Variants in EPHB2 observed in about 807,000 individuals in gnomAD.
EPHB2 encodes EPH receptor B2.
EPHB2 carries 18 observed loss-of-function variants against 96.4 expected under a neutral mutation model. That is an observed-to-expected ratio of 0.19 (90% CI 0.13 to 0.28). EPHB2 has a LOEUF of 0.28. Among genes scored for constraint, EPHB2 ranks in the 10% least tolerant of loss-of-function variants. EPHB2 has a pLI of 1.00. For synonymous variants in EPHB2, 506 were observed against 534.1 expected (o/e 0.95, Z 0.72); for missense variants, 989 against 1,355.4 (o/e 0.73, Z 4.25).
chr1:22,845,177 T>G (rs1645524508), intron 3 of EPHB2, among the ~76,000 whole-genome samples: 1 of 152,232 alleles, frequency 6.6e-6, no homozygotes, highest in South Asian at 2.1e-4. Flanking sequence ...TACCACTCAC[T>G]GCATCAGTGA....
chr1:22,865,003 G>A lies in EPHB2; in HGVS notation c.1094G>A (p.Cys365Tyr). 2 of 1,611,004 alleles carry A rather than the reference G, an allele frequency of 1.2e-6. No homozygotes were observed. Among genetic ancestry groups the A allele is most frequent in the Non-Finnish European group, 1.7e-6 (2 of 1,177,650 alleles). The change falls in exon 5 of 16, where the codon TGT (cysteine) becomes TAT (tyrosine). Residue 365 changes from cysteine (C) to tyrosine (Y), a missense_variant. Transcript: ENST00000374630. ...DLVYNIICKS[C>Y]GSGRGACTRC... ...GTCTACAACATCATCTGCAAGAGCT[G>A]TGGCTCGGGCCGGGGTGCCTGCACC...
chr1:22,909,368 G>T (rs558418066), intron 13 of EPHB2, among the ~76,000 whole-genome samples, 197 bp downstream of exon 13: 7 of 152,310 alleles, frequency 4.6e-5, no homozygotes, highest in East Asian at 1.9e-4. Flanking sequence ...CTCTCCAGGG[G>T]GTAGGAAGTA....
rs2869512 is a variant in EPHB2 at position 22,733,338 on chromosome 1, T to C, written c.61+22295T>C. ...TGCTGGGATTGCAGGCGTGAACCAC[T>C]GTGGCTGGCCCAGGCTGCCTTTCTA... is the stretch of plus-strand genomic sequence containing the variant. On this transcript the variant is annotated intron_variant, in intron 1 of 15. Coordinates refer to ENST00000374630, the MANE Select transcript of EPHB2 (RefSeq NM_017449.5). This position sits in a 1 kb window ranked among gnomAD's most constrained non-coding sequence, Gnocchi z 4.6. 0.52 allele frequency among the ~76,000 whole-genome samples: 79,556 copies of C among 152,000 alleles called. 21,618 individuals are homozygous for C. Among genetic ancestry groups the C allele is most frequent in the East Asian group, 0.94 (4,851 of 5,184 alleles).
chr1:22,771,761 T>A (rs1315718162), intron 1 of EPHB2, among the ~76,000 whole-genome samples: 1 of 152,176 alleles, frequency 6.6e-6, no homozygotes, highest in African/African-American at 2.4e-5. Flanking sequence ...CTTTACCTGC[T>A]GAATAGATGT....
intron 6 of EPHB2, among the ~76,000 whole-genome samples, chr1:22,891,959 TA>T (rs1435170385): frequency 1.3e-5 from 2 of 151,212 alleles, no homozygotes; most frequent in South Asian, 2.1e-4. Flanking sequence ...CATGCCCAGC[TA>T]ATTTTTTTTT....
intron 1 of EPHB2, among the ~76,000 whole-genome samples, chr1:22,713,337 C>T: frequency 6.6e-6 from 1 of 152,174 alleles, no homozygotes; most frequent in East Asian, 1.9e-4. Context: ...GGCCAGGTCC[C>T]TTCCCTGTGG....
chr1:22,788,753 G>GTTTTT (rs66554696), intron 3 of EPHB2, among the ~76,000 whole-genome samples: 21 of 134,136 alleles, frequency 1.6e-4, no homozygotes, highest in African/African-American at 5.3e-4. Flanking sequence ...TTTTGTTTTT[G>GTTTTT]TTTTTTTTTT....
intron 7 of EPHB2, among the ~76,000 whole-genome samples, chr1:22,894,944 G>T (rs1639508617): frequency 1.3e-5 from 2 of 152,162 alleles, no homozygotes; most frequent in South Asian, 4.1e-4. Flanking sequence ...GCTTGCTTAG[G>T]TGCCAGGTGT....
chr1:22,775,401 G>A (rs1033342945), intron 1 of EPHB2, among the ~76,000 whole-genome samples: 5 of 152,234 alleles, frequency 3.3e-5, no homozygotes, highest in African/African-American at 1.2e-4. Flanking sequence ...TCATGACTTT[G>A]GAACACTCAC....
rs146240069 is a variant in EPHB2, at chr1:22,915,487, C to A, written c.*1917C>A. On this transcript the variant is annotated 3_prime_UTR_variant, in exon 16 of 16. Coordinates refer to ENST00000374630, the MANE Select transcript of EPHB2 (RefSeq NM_017449.5). ...CATGGAGAACGACAGCTCCACGTGGCCTTTCTGGCCCTGGCTTGTCAAAAG... is the reference window on the plus strand; with the variant it reads ...CATGGAGAACGACAGCTCCACGTGGACTTTCTGGCCCTGGCTTGTCAAAAG... The A allele has an allele frequency of 6.6e-6, 1 of 152,156 alleles. No homozygotes were observed. Among genetic ancestry groups the A allele is most frequent in the Non-Finnish European group, 1.5e-5 (1 of 68,038 alleles). 9.4% of individuals were successfully genotyped at this position (152,156 alleles called of 1,614,324 possible).
chr1:22,772,802 G>A (rs1644397896), intron 1 of EPHB2, among the ~76,000 whole-genome samples: 1 of 152,194 alleles, frequency 6.6e-6, no homozygotes, highest in Non-Finnish European at 1.5e-5. Flanking sequence ...GGCTTTACAG[G>A]GCGTGCAGAG....
chr1:22,737,147 T>C (rs551660282), intron 1 of EPHB2, among the ~76,000 whole-genome samples: 2 of 152,146 alleles, frequency 1.3e-5, no homozygotes, highest in Non-Finnish European at 2.9e-5. Context: ...TGCCTCCCTC[T>C]CACCCTGGCC....
rs1011235791 is a variant in EPHB2, at chr1:22,913,174, C to G, written c.2853-288C>G. ...CGCCACTGCACACCAGCCTGGGTGA[C>G]AGAGCGAGACTCTGTCTCGAAAAAG... On this transcript the variant is annotated intron_variant, in intron 15 of 15. Transcript: ENST00000374630. The surrounding 1 kb of genome is among the most constrained non-coding windows in gnomAD (Gnocchi z 4.1). 1.1e-5 allele frequency: 5 copies of G among 475,796 alleles called. No homozygotes were observed. Among genetic ancestry groups the G allele is most frequent in the African/African-American group, 9.8e-5 (5 of 50,944 alleles). 29.5% of individuals were successfully genotyped at this position (475,796 alleles called of 1,614,324 possible).
In EPHB2 at chr1:22,784,857, C is replaced by T. The variant is rs2148424950; in HGVS notation, c.592C>T (p.Pro198Ser). The stretch of plus-strand genomic sequence containing the variant: ...CGTGCGTGTCTTCTACCGCAAGTGC[C>T]CCCGCATCATCCAGAATGGCGCCAT... ...IAVRVFYRKC[P>S]RIIQNGAIFQ... The change falls in exon 3 of 16, where the codon CCC becomes TCC. Residue 198 changes from proline to serine, a missense_variant. Pro to Ser is a moderately conservative substitution (Grantham distance 74). Transcript: ENST00000374630. The surrounding 1 kb of genome is among the most constrained non-coding windows in gnomAD (Gnocchi z 5.1). The T allele has an allele frequency of 6.2e-7, 1 of 1,611,858 alleles. No individual in the cohort carries two copies. Among genetic ancestry groups the T allele is most frequent in the Non-Finnish European group, 8.5e-7 (1 of 1,178,720 alleles).
At chr1:22,716,017 A>C (rs1369636277) in intron 1 of EPHB2, among the ~76,000 whole-genome samples, 21 of 152,168 alleles carry the variant, frequency 1.4e-4, no homozygotes, top group Admixed American at 1.4e-3. Context: ...TTGTCCAGGC[A>C]CCAGATCAGC....
At chr1:22,842,459 A>G (rs535046635) in intron 3 of EPHB2, among the ~76,000 whole-genome samples, 11 of 152,028 alleles carry the variant, frequency 7.2e-5, no homozygotes, top group East Asian at 5.8e-4. Flanking sequence ...CTGTCCATCC[A>G]TAGTCATCCG....
At chr1:22,726,163 C>T (rs1345011200) in intron 1 of EPHB2, among the ~76,000 whole-genome samples, 1 of 152,180 alleles carries the variant, frequency 6.6e-6, no homozygotes, top group Non-Finnish European at 1.5e-5. Flanking sequence ...GAATTATATC[C>T]CAGTAGAGGT....
At chr1:22,869,681 G>A (rs568541919) in intron 5 of EPHB2, among the ~76,000 whole-genome samples, 1 of 152,118 alleles carries the variant, frequency 6.6e-6, no homozygotes, top group Non-Finnish European at 1.5e-5. Flanking sequence ...TTCCCCTGAC[G>A]CAGAGTCTTG....
chr1:22,763,396 T>C (rs1478231357), intron 1 of EPHB2, among the ~76,000 whole-genome samples: 1 of 152,012 alleles, frequency 6.6e-6, no homozygotes, highest in Non-Finnish European at 1.5e-5. Context: ...GGACAGAAAC[T>C]TGCTGGGCCC....
Sources: gnomAD v4.1 joint callset for allele counts (sites outside exome capture counted in the v4.1 genomes callset) on GRCh38, gnomAD v4.1.1 for gene constraint, Gnocchi (gnomAD v3.1) non-coding constraint, MANE v1.5 for transcripts, NCBI Gene and HGNC (gene_info 2026-07-23, HGNC 2026-07-21) for gene names.